The following STARD13 variants were observed in gnomAD, a reference collection of about 807,000 sequenced individuals.
STARD13 encodes StAR related lipid transfer domain containing 13.
A neutral mutation model predicts 106.4 loss-of-function variants in STARD13; 62 were observed. The observed-to-expected ratio is 0.58, with a 90% confidence interval of 0.48 to 0.72. The LOEUF (loss-of-function observed/expected upper bound fraction) is 0.72, where lower values mean the gene tolerates loss of function less well. Among genes scored for constraint, STARD13 ranks in the 30% least tolerant of loss-of-function variants. The probability of loss-of-function intolerance (pLI) is 0.00; values close to 1 mark genes in which losing one functional copy is unlikely to be tolerated. For missense variants in STARD13, 1,387 were observed against 1,424.0 expected (o/e 0.97, Z 0.42); for synonymous variants, 565 against 553.0 (o/e 1.02, Z -0.31).
At chr13:33,631,460 A>G in the STARD13 span, among the ~76,000 whole-genome samples, 1 of 152,232 alleles carries the variant, frequency 6.6e-6, no homozygotes, top group Non-Finnish European at 1.5e-5. Flanking sequence ...TTACATTGGT[A>G]AATCATGTAT....
At chr13:33,374,675 T>C in the STARD13 span, among the ~76,000 whole-genome samples, 1 of 152,236 alleles carries the variant, frequency 6.6e-6, no homozygotes, top group East Asian at 1.9e-4. Context: ...CTTTGGAAGA[T>C]TAATGCAATT....
At chr13:33,619,391 A>C in the STARD13 span, among the ~76,000 whole-genome samples, 2 of 152,232 alleles carry the variant, frequency 1.3e-5, no homozygotes, top group African/African-American at 4.8e-5. Flanking sequence ...TCCATCATTG[A>C]ACAGCAGGGA....
chr13:33,470,710 C>T, the STARD13 span, among the ~76,000 whole-genome samples: 12 of 152,180 alleles, frequency 7.9e-5, no homozygotes, highest in African/African-American at 2.9e-4. Flanking sequence ...TTGTTGGCTG[C>T]ATAAATGTCT....
At chr13:33,434,687 A>G in the STARD13 span, among the ~76,000 whole-genome samples, 1 of 152,008 alleles carries the variant, frequency 6.6e-6, no homozygotes, top group Admixed American at 6.6e-5. Flanking sequence ...CCAGATAAAC[A>G]CGAGATCTTC....
chr13:33,358,098 C>G, the STARD13 span, among the ~76,000 whole-genome samples: 1 of 152,230 alleles, frequency 6.6e-6, no homozygotes, highest in African/African-American at 2.4e-5. Flanking sequence ...CTGCTGGCCC[C>G]GGGCAATGAG....
At chr13:33,516,564 C>T in the STARD13 span, among the ~76,000 whole-genome samples, 2 of 152,062 alleles carry the variant, frequency 1.3e-5, no homozygotes. Context: ...TTAATGCTCT[C>T]TGACTTAGAT....
the STARD13 span, among the ~76,000 whole-genome samples, chr13:33,655,829 C>G: frequency 2.6e-5 from 4 of 152,144 alleles, no homozygotes; most frequent in South Asian, 2.1e-4. Flanking sequence ...AATTGGTTCC[C>G]AGAACTGCTG....
At chr13:33,614,399 C>T in the STARD13 span, among the ~76,000 whole-genome samples, 1 of 151,958 alleles carries the variant, frequency 6.6e-6, no homozygotes, top group African/African-American at 2.4e-5. Flanking sequence ...AGAAAAGTAA[C>T]TGGTCCCTTT....
chr13:33,642,083 A>G, the STARD13 span, among the ~76,000 whole-genome samples: 1 of 152,118 alleles, frequency 6.6e-6, no homozygotes, highest in Non-Finnish European at 1.5e-5. Context: ...CCGTCACCCT[A>G]CTGAAAAACA....
At chr13:33,444,243 C>T in the STARD13 span, among the ~76,000 whole-genome samples, 1 of 152,098 alleles carries the variant, frequency 6.6e-6, no homozygotes, top group Non-Finnish European at 1.5e-5. Context: ...GTGTAGGTGG[C>T]TTGGAGCAGG....
At chr13:33,289,030 C>G (rs964044737), upstream of STARD13, among the ~76,000 whole-genome samples, 2 of 152,196 alleles carry the variant, frequency 1.3e-5, no homozygotes, top group Non-Finnish European at 2.9e-5. Flanking sequence ...GGCTAGTTCT[C>G]TCTCTGGCTT....
At chr13:33,290,778 C>A (rs1892262322) in intron 1 of STARD13, among the ~76,000 whole-genome samples, 1 of 152,262 alleles carries the variant, frequency 6.6e-6, no homozygotes, top group Non-Finnish European at 1.5e-5. Context: ...GTCCTGGGAC[C>A]ATTACTACAC....
chr13:33,290,594 T>G (rs1230405005), upstream of STARD13, among the ~76,000 whole-genome samples: 1 of 152,272 alleles, frequency 6.6e-6, no homozygotes, highest in Non-Finnish European at 1.5e-5. Context: ...GTCCAGATCC[T>G]GCCGCAAACA....
intron 7 of STARD13, among the ~76,000 whole-genome samples, chr13:33,118,705 T>C (rs932971862): frequency 1.8e-4 from 27 of 152,142 alleles, no homozygotes; most frequent in African/African-American, 6.3e-4. Context: ...GTCTGGTCAA[T>C]GGGAGGTTTG....
chr13:33,324,913 G>A (rs903366386), intron 1 of STARD13, among the ~76,000 whole-genome samples: 25 of 152,142 alleles, frequency 1.6e-4, no homozygotes, highest in Admixed American at 8.5e-4. Context: ...AATGGGTGCT[G>A]CTCCTCCAGA....
intron 1 of STARD13, among the ~76,000 whole-genome samples, chr13:33,243,656 C>T (rs187866755): frequency 3.3e-4 from 51 of 152,250 alleles, no homozygotes; most frequent in African/African-American, 1.1e-3. Context: ...AATGGTGTCC[C>T]GGACTCAGCA....
the STARD13 span, among the ~76,000 whole-genome samples, chr13:33,476,127 A>G: frequency 6.6e-6 from 1 of 152,176 alleles, no homozygotes; most frequent in Non-Finnish European, 1.5e-5. Flanking sequence ...ATATTCAGCA[A>G]CAATTGGCCT....
chr13:33,194,996 A>C (rs1383754064), intron 1 of STARD13, among the ~76,000 whole-genome samples: 2 of 152,248 alleles, frequency 1.3e-5, no homozygotes, highest in Non-Finnish European at 2.9e-5. Context: ...ATATTTTCCC[A>C]TGCTACTTCA....
At chr13:33,176,855 C>T (rs994779187) in intron 1 of STARD13, among the ~76,000 whole-genome samples, 16 of 152,080 alleles carry the variant, frequency 1.1e-4, no homozygotes, top group African/African-American at 3.9e-4. Flanking sequence ...AAGAAAGTTA[C>T]ATCAACTATA....
Sources: gnomAD v4.1 joint callset for allele counts (sites outside exome capture counted in the v4.1 genomes callset) on GRCh38, gnomAD v4.1.1 for gene constraint, MANE v1.5 for transcripts, NCBI Gene and HGNC (gene_info 2026-07-23, HGNC 2026-07-21) for gene names.